KAZN: variants seen among roughly 807,000 people sequenced by gnomAD.
KAZN encodes kazrin.
KAZN carries 40 observed loss-of-function variants against 87.4 expected under a neutral mutation model. That is an observed-to-expected ratio of 0.46 (90% confidence interval 0.36 to 0.60). The LOEUF is 0.60. Among genes scored for constraint, KAZN ranks in the 20% least tolerant of loss-of-function variants. KAZN has a pLI of 0.00. For synonymous variants in KAZN, 466 were observed against 458.3 expected (o/e 1.02, Z -0.22); for missense variants, 898 against 1,073.9 (o/e 0.84, Z 2.29).
chr1:14,670,879 C>T (rs1639876195), intron 1 of KAZN, among the ~76,000 whole-genome samples: 1 of 152,178 alleles, frequency 6.6e-6, no homozygotes, highest in Middle Eastern at 3.2e-3. Flanking sequence ...GGGTGACTTA[C>T]CTTCTGAGGA....
Position 14,773,591 on chromosome 1 carries a change from C to T in KAZN, c.226+174368C>T, listed in dbSNP as rs966142835. Among the ~76,000 whole-genome samples the T allele has an allele frequency of 6.6e-6, 1 of 152,192 alleles. No individual in the cohort carries two copies. The highest frequency in any genetic ancestry group is 1.5e-5 in the Non-Finnish European group (1 of 68,040). ...AAAGATGATGTTGACTTTCCAGAGC[C>T]ATAGGGAGTTGGAAATGAGGTCAGG... On this transcript the variant is annotated intron_variant, in intron 1 of 14. Coordinates refer to ENST00000376030, the MANE Select transcript of KAZN (RefSeq NM_201628.3). This position sits in a 1 kb window ranked among gnomAD's most constrained non-coding sequence, Gnocchi z 5.9.
intron 3 of KAZN, among the ~76,000 whole-genome samples, chr1:15,039,749 G>A (rs960774684): frequency 2.1e-5 from 3 of 143,770 alleles, no homozygotes; most frequent in African/African-American, 7.6e-5. Flanking sequence ...GGAGAGCACC[G>A]TGTCATTTTT....
At chr1:14,026,179 C>G (rs1349632679) in intron 1 of KAZN, among the ~76,000 whole-genome samples, 1 of 151,608 alleles carries the variant, frequency 6.6e-6, no homozygotes, top group Admixed American at 6.6e-5. Flanking sequence ...TATATAAATT[C>G]CTTATATATA....
chr1:14,264,068 G>A (rs991535644), intron 2 of KAZN, among the ~76,000 whole-genome samples: 2 of 152,198 alleles, frequency 1.3e-5, no homozygotes, highest in Non-Finnish European at 2.9e-5. Flanking sequence ...GCACACACTT[G>A]TTATCTTACA....
At chr1:14,249,789 C>A (rs1252887151) in intron 2 of KAZN, among the ~76,000 whole-genome samples, 1 of 152,084 alleles carries the variant, frequency 6.6e-6, no homozygotes, top group Non-Finnish European at 1.5e-5. Flanking sequence ...GAGCCAGAAA[C>A]AGTGTCTATG....
At chr1:14,909,143 T>C (rs1458554789) in intron 1 of KAZN, among the ~76,000 whole-genome samples, 3 of 152,172 alleles carry the variant, frequency 2.0e-5, no homozygotes, top group Non-Finnish European at 4.4e-5. Flanking sequence ...AAAACAGTAA[T>C]AGTATATACT....
intron 1 of KAZN, among the ~76,000 whole-genome samples, chr1:14,707,312 G>C (rs148998277): frequency 1.3e-3 from 194 of 152,264 alleles, no homozygotes; most frequent in African/African-American, 4.4e-3. Flanking sequence ...AGAGGATAAA[G>C]GCAATAACAG....
At chr1:14,065,639 A>G (rs1390278189) in intron 1 of KAZN, among the ~76,000 whole-genome samples, 1 of 151,850 alleles carries the variant, frequency 6.6e-6, no homozygotes, top group Non-Finnish European at 1.5e-5. Context: ...TGATCTTCCA[A>G]TTACTCCAGC....
At chr1:15,067,329 C>G in intron 8 of KAZN, 1 of 985,502 alleles carries the variant, frequency 1.0e-6, no homozygotes, top group African/African-American at 1.7e-5. Context: ...CCTACCCACC[C>G]CAGGAGACAA....
At chr1:14,982,709 G>A (rs528087336) in intron 2 of KAZN, among the ~76,000 whole-genome samples, 71 of 152,284 alleles carry the variant, frequency 4.7e-4, no homozygotes, top group African/African-American at 1.6e-3. Flanking sequence ...ACAGGCGTGA[G>A]CCACTGTGCC....
chr1:15,087,048 C>T (rs2100653032), intron 8 of KAZN, among the ~76,000 whole-genome samples: 1 of 152,332 alleles, frequency 6.6e-6, no homozygotes, highest in South Asian at 2.1e-4. Context: ...ACTACAACTA[C>T]TATACTAAAA....
chr1:14,419,743 CTCTTAA>C (rs1212430801), intron 2 of KAZN, among the ~76,000 whole-genome samples: 8 of 151,960 alleles, frequency 5.3e-5, no homozygotes, highest in Non-Finnish European at 8.8e-5. Flanking sequence ...AGCGTTAGGA[CTCTTAA>C]GGCGGTGCGT....
chr1:14,561,071 C>A (rs556296646), intron 2 of KAZN, among the ~76,000 whole-genome samples: 1 of 152,292 alleles, frequency 6.6e-6, no homozygotes, highest in African/African-American at 2.4e-5. Flanking sequence ...GGAGGGAGCA[C>A]CTGCTTGGTT....
At chr1:14,715,900 G>A (rs1333156695) in intron 1 of KAZN, among the ~76,000 whole-genome samples, 2 of 152,170 alleles carry the variant, frequency 1.3e-5, no homozygotes, top group African/African-American at 4.8e-5. Context: ...AAACATTGAA[G>A]CCATCTCTAC....
intron 1 of KAZN, among the ~76,000 whole-genome samples, chr1:14,758,175 C>T (rs1644628263): frequency 6.6e-6 from 1 of 151,388 alleles, no homozygotes; most frequent in African/African-American, 2.4e-5. Flanking sequence ...CCCTCCATTC[C>T]TTCCTTCCTT....
chr1:15,033,232 A>T (rs369219699), intron 2 of KAZN, among the ~76,000 whole-genome samples: 2 of 152,330 alleles, frequency 1.3e-5, no homozygotes, highest in African/African-American at 4.8e-5. Context: ...ATCCCCATGC[A>T]TACTGAGCAA....
intron 4 of KAZN, among the ~76,000 whole-genome samples, chr1:15,046,653 C>T (rs1673579035): frequency 6.6e-6 from 1 of 152,134 alleles, no homozygotes; most frequent in Non-Finnish European, 1.5e-5. Context: ...GGGCCAGGCC[C>T]CAGGACAGGC....
intron 1 of KAZN, among the ~76,000 whole-genome samples, chr1:13,990,169 C>T (rs1382980716): frequency 1.3e-5 from 2 of 152,040 alleles, no homozygotes; most frequent in Admixed American, 6.6e-5. Flanking sequence ...AATTCACTTC[C>T]TAGGTATCTA....
intron 2 of KAZN, among the ~76,000 whole-genome samples, chr1:14,252,727 ATTAG>A (rs1341536239): frequency 6.6e-6 from 1 of 152,210 alleles, no homozygotes; most frequent in Non-Finnish European, 1.5e-5. Flanking sequence ...TTGCTATATT[ATTAG>A]TTAGGATAAG....
Sources: allele counts gnomAD v4.1 joint callset (sites outside exome capture counted in the v4.1 genomes callset), GRCh38; gene constraint gnomAD v4.1.1; non-coding constraint Gnocchi (gnomAD v3.1); transcripts MANE v1.5; gene names NCBI Gene and HGNC (gene_info 2026-07-23, HGNC 2026-07-21).